Variants in HVCN1 observed in about 807,000 individuals in gnomAD.
HVCN1 encodes the protein voltage-gated hydrogen channel 1.
In HVCN1, 14 loss-of-function variants were observed where a neutral mutation model predicts 29.2. The ratio of observed to expected loss-of-function variants is 0.48; its 90% CI spans 0.32 to 0.75. HVCN1 has a LOEUF of 0.75. HVCN1 is among the 30% of genes least tolerant of loss of function. The pLI is 0.04. For missense variants in HVCN1, 263 were observed against 341.8 expected (o/e 0.77, Z 1.82); for synonymous variants, 131 against 133.2 (o/e 0.98, Z 0.11).
In HVCN1 at chr12:110,651,359, G is replaced by T. The variant is rs2067808426; in HGVS notation, c.501C>A (p.His167Gln). 6.2e-7 allele frequency: 1 copy of T among 1,613,812 alleles called. No individual in the cohort carries two copies. Among genetic ancestry groups the T allele is most frequent in the Non-Finnish European group, 8.5e-7 (1 of 1,179,822 alleles). ...CGGCATCCAGGATCTCAAACTTGTGGTGAAAGAACTCCAGGCGGAAGACAA... is the reference window on the plus strand; with the variant it reads ...CGGCATCCAGGATCTCAAACTTGTGTTGAAAGAACTCCAGGCGGAAGACAA... ...KLFVFRLEFF[H>Q]HKFEILDAVV... Residue 167 changes from histidine (H) to glutamine (Q), a missense_variant, in exon 6 of 8, where the codon CAC (histidine) becomes CAA (glutamine). This residue lies in a region of HVCN1 where 55 missense variants were observed against 109.4 expected (regional missense o/e 0.50). Transcript: ENST00000242607.
chr12:110,698,527 C>A (rs527586136), intron 2 of HVCN1, among the ~76,000 whole-genome samples: 1 of 152,184 alleles, frequency 6.6e-6, no homozygotes, highest in Admixed American at 6.5e-5. Flanking sequence ...GGAGCAGAGC[C>A]GAGGTGGGAG....
At chr12:110,664,125 A>C (rs2068268238) in intron 3 of HVCN1, among the ~76,000 whole-genome samples, 1 of 152,038 alleles carries the variant, frequency 6.6e-6, no homozygotes, top group African/African-American at 2.4e-5. Context: ...TTGCTATGTT[A>C]CCCAGGCTGG....
At chr12:110,699,832 T>C (rs1434328535) in intron 2 of HVCN1, among the ~76,000 whole-genome samples, 1 of 152,168 alleles carries the variant, frequency 6.6e-6, no homozygotes, top group Non-Finnish European at 1.5e-5. Flanking sequence ...AAGTCCTAAA[T>C]ATCAGTGGCT....
At position 110,651,293 on chromosome 12, in the gene HVCN1, CAGG is replaced by C; in HGVS notation, c.564_566del (p.Leu189del). The C allele has an allele frequency of 6.2e-7, 1 of 1,614,146 alleles. No homozygotes were observed. Among genetic ancestry groups the C allele is most frequent in the Non-Finnish European group, 8.5e-7 (1 of 1,180,012 alleles). Reference sequence around the variant, plus strand: ...GAGCCTCAAACTGGTGCTCCTGGAACAGGAGGACAATGTCGAGGATGAATGAGA... The same window carrying C: ...GAGCCTCAAACTGGTGCTCCTGGAACAGGACAATGTCGAGGATGAATGAGA... On this transcript the variant is annotated inframe_deletion, in exon 6 of 8. Coordinates refer to ENST00000242607, the MANE Select transcript of HVCN1 (RefSeq NM_032369.4).
rs759827108 is a variant in HVCN1, at chr12:110,661,790, A to G, written c.22-342T>C. Among the ~76,000 whole-genome samples, 10 of 152,154 alleles carry G rather than the reference A, an allele frequency of 6.6e-5. No homozygotes were observed. The highest frequency in any genetic ancestry group is 1.2e-4 in the Non-Finnish European group (8 of 68,028). On this transcript the variant is annotated intron_variant, in intron 3 of 7. Transcript: ENST00000242607. The surrounding 1 kb of genome is among the most constrained non-coding windows in gnomAD (Gnocchi z 6.2). ...GGCGGCCCCAAGGTTCAGAGACATCACAACCTGGAAACTGGAGGGGCCAGT... is the reference window on the plus strand; with the variant it reads ...GGCGGCCCCAAGGTTCAGAGACATCGCAACCTGGAAACTGGAGGGGCCAGT...
chr12:110,666,792 T>A (rs1372696370), intron 3 of HVCN1, among the ~76,000 whole-genome samples: 1 of 152,182 alleles, frequency 6.6e-6, no homozygotes, highest in African/African-American at 2.4e-5. Context: ...AGGCCCTCCC[T>A]CACCCCTAAA....
chr12:110,665,184 T>C (rs77941771), intron 3 of HVCN1, among the ~76,000 whole-genome samples: 1 of 152,210 alleles, frequency 6.6e-6, no homozygotes, highest in Non-Finnish European at 1.5e-5. Context: ...AGATGCATAC[T>C]GTCTAGCATA....
upstream of HVCN1, among the ~76,000 whole-genome samples, chr12:110,690,153 GC>G (rs1402021757): frequency 1.3e-5 from 2 of 152,220 alleles, no homozygotes; most frequent in Non-Finnish European, 2.9e-5. Context: ...TGTGTTCCTT[GC>G]TTTTCCCGGC....
At chr12:110,701,698 A>G (rs1593558459) in intron 2 of HVCN1, among the ~76,000 whole-genome samples, 1 of 151,964 alleles carries the variant, frequency 6.6e-6, no homozygotes, top group East Asian at 2.0e-4. Flanking sequence ...CTCTACTAAA[A>G]ATATAAAAAG....
intron 3 of HVCN1, among the ~76,000 whole-genome samples, chr12:110,673,480 C>T (rs980058532): frequency 6.6e-6 from 1 of 152,168 alleles, no homozygotes. Flanking sequence ...AAGCCAGCTA[C>T]AGAAATTTCC....
At chr12:110,677,973 A>G (rs746072552) in intron 3 of HVCN1, among the ~76,000 whole-genome samples, 12 of 152,260 alleles carry the variant, frequency 7.9e-5, no homozygotes, top group Non-Finnish European at 1.3e-4. Flanking sequence ...TATATGGGAC[A>G]TATTTACAGG....
At position 110,661,563 on chromosome 12, in the gene HVCN1, C is replaced by G; in HGVS notation, c.22-115G>C. 1 of 919,588 alleles carries G rather than the reference C, an allele frequency of 1.1e-6. No individual in the cohort carries two copies. Among genetic ancestry groups the G allele is most frequent in the Non-Finnish European group, 1.6e-6 (1 of 612,952 alleles). 57.0% of individuals were successfully genotyped at this position (919,588 alleles called of 1,614,324 possible). A position where few individuals can be genotyped will look rare whatever the true frequency, so the allele number is the denominator to read the frequency against. ...AGATGGTCCCGGGTGCGTAGAACCC[C>G]CTGCAAGCAGAGACCATGAGGTCAC... On this transcript the variant is annotated intron_variant, in intron 3 of 7. Transcript: ENST00000242607. The surrounding 1 kb of genome is among the most constrained non-coding windows in gnomAD (Gnocchi z 6.2).
intron 5 of HVCN1, among the ~76,000 whole-genome samples, chr12:110,653,365 C>T (rs954851261): frequency 2.0e-5 from 3 of 151,632 alleles, no homozygotes; most frequent in East Asian, 3.9e-4. Context: ...GAGGCTGAGG[C>T]GGGAGGAAGG....
chr12:110,656,422 C>T (rs1468626891), intron 4 of HVCN1, among the ~76,000 whole-genome samples: 1 of 152,056 alleles, frequency 6.6e-6, no homozygotes, highest in African/African-American at 2.4e-5. Flanking sequence ...GTCACGGTGA[C>T]AGCTGGTGAT....
intron 4 of HVCN1, among the ~76,000 whole-genome samples, chr12:110,659,106 C>T (rs139396898): frequency 2.6e-5 from 4 of 152,362 alleles, no homozygotes; most frequent in Non-Finnish European, 2.9e-5. Context: ...AGCTGGGTCG[C>T]CAGGCGCTCT....
At chr12:110,704,246 C>G (rs1227731675) in intron 1 of HVCN1, among the ~76,000 whole-genome samples, 1 of 152,092 alleles carries the variant, frequency 6.6e-6, no homozygotes, top group African/African-American at 2.4e-5. Context: ...TTGTGTGGCT[C>G]TTAAGAAGAA....
At chr12:110,669,205 A>C (rs1156944670) in intron 3 of HVCN1, among the ~76,000 whole-genome samples, 1 of 152,022 alleles carries the variant, frequency 6.6e-6, no homozygotes, top group Non-Finnish European at 1.5e-5. Context: ...GGCCAAGAAC[A>C]GAAAATCGTC....
intron 5 of HVCN1, among the ~76,000 whole-genome samples, chr12:110,654,525 C>T (rs2067924379): frequency 7.3e-6 from 1 of 137,638 alleles, no homozygotes; most frequent in Non-Finnish European, 1.5e-5. Context: ...GTTGCCCGGG[C>T]TGGAGTGCAG....
chr12:110,702,240 C>A (rs1050751041), intron 2 of HVCN1: 4 of 152,130 alleles, frequency 2.6e-5, no homozygotes, highest in Admixed American at 6.6e-5. Flanking sequence ...GCGGCTCCCC[C>A]ACCCCTTCTG....
Sources: allele counts gnomAD v4.1 joint callset (sites outside exome capture counted in the v4.1 genomes callset), GRCh38; gene constraint gnomAD v4.1.1; regional missense constraint gnomAD v4.1.1; non-coding constraint Gnocchi (gnomAD v3.1); transcripts MANE v1.5; gene names NCBI Gene and HGNC (gene_info 2026-07-23, HGNC 2026-07-21).